The following DMD variants were observed in gnomAD, a reference collection of about 807,000 sequenced individuals.
DMD encodes dystrophin.
Under a neutral mutation model 330.1 loss-of-function variants are expected in DMD, and 63 were observed. The ratio of observed to expected loss-of-function variants is 0.19; its 90% CI spans 0.16 to 0.24. DMD has a LOEUF of 0.24. Ranked by LOEUF, DMD falls within the 10% of genes least tolerant of loss-of-function variation. The pLI is 1.00. For missense variants in DMD, 3,344 were observed against 2,684.1 expected, an observed-to-expected ratio of 1.25 and a Z score of -5.43; for synonymous variants, 1,223 against 959.8, an observed-to-expected ratio of 1.27 and a Z score of -5.07.
intron 1 of DMD, among the ~76,000 whole-genome samples, chrX:33,204,695 C>A (rs2051466966): frequency 9.0e-6 from 1 of 111,494 alleles, no homozygotes. Flanking sequence ...CAGTACCTGG[C>A]ACAAAATGGG....
chrX:32,799,594 ATTT>A (rs59086238), intron 7 of DMD, among the ~76,000 whole-genome samples: 3 of 94,834 alleles, frequency 3.2e-5, no homozygotes, highest in Non-Finnish European at 2.1e-5. Context: ...TATAGGGAGG[ATTT>A]TTTTTTTTTT....
chrX:31,420,744 A>G (rs1240592083), intron 60 of DMD, among the ~76,000 whole-genome samples: 1 of 112,493 alleles, frequency 8.9e-6, no homozygotes, highest in African/African-American at 3.2e-5. Context: ...GAATGTGTTC[A>G]TAACATGTAA....
chrX:32,468,448 GA>G lies in DMD; in HGVS notation c.3162+49del, dbSNP rs763520803. The G allele has an allele frequency of 1.8e-5, 19 of 1,071,516 alleles. No homozygotes were observed. The Admixed American group carries it at 3.9e-4, about 22-fold the overall frequency. 88.3% of individuals were successfully genotyped at this position (1,071,516 alleles called of 1,213,427 possible). A position where few individuals can be genotyped will look rare whatever the true frequency, so the allele number is the denominator to read the frequency against. ...TTACAGTTTACAGTGTATCGTTAGGGAAAAAACAAGTAAATAAAAATGAGGG... is the reference window on the plus strand; with the variant it reads ...TTACAGTTTACAGTGTATCGTTAGGGAAAAACAAGTAAATAAAAATGAGGG... On this transcript the variant is annotated intron_variant, in intron 23 of 78. Transcript: ENST00000357033.
At chrX:33,277,434 T>C (rs1182360257) in intron 1 of DMD, among the ~76,000 whole-genome samples, 1 of 111,201 alleles carries the variant, frequency 9.0e-6, no homozygotes, top group Admixed American at 9.6e-5. Context: ...GAATTTTACC[T>C]CAATTTAAAA....
chrX:31,463,057 T>C (rs1052733164), intron 59 of DMD, among the ~76,000 whole-genome samples: 19 of 111,941 alleles, frequency 1.7e-4, no homozygotes, highest in African/African-American at 6.2e-4. Flanking sequence ...TTATGGAAAA[T>C]ACCATAAAAT....
chrX:31,450,167 G>A (rs1340442172), intron 59 of DMD, among the ~76,000 whole-genome samples: 1 of 111,616 alleles, frequency 9.0e-6, no homozygotes, highest in African/African-American at 3.3e-5. Context: ...TTCATGCTGA[G>A]CTAGTCATGA....
chrX:31,343,734 T>C (rs1428621498), intron 61 of DMD, among the ~76,000 whole-genome samples: 1 of 109,713 alleles, frequency 9.1e-6, no homozygotes, highest in Non-Finnish European at 1.9e-5. Context: ...AGTTCCTCCT[T>C]ATTTTTCTTT....
chrX:31,177,178 A>T (rs940216602), intron 71 of DMD, among the ~76,000 whole-genome samples: 4 of 111,426 alleles, frequency 3.6e-5, no homozygotes, highest in African/African-American at 1.3e-4. Flanking sequence ...CACAGGCCCC[A>T]AAAAAGAGTT....
intron 9 of DMD, among the ~76,000 whole-genome samples, chrX:32,668,882 AT>A (rs2061472995): frequency 1.8e-5 from 2 of 111,165 alleles, no homozygotes; most frequent in African/African-American, 3.3e-5. Flanking sequence ...TACTAATGGG[AT>A]TAAAACTTCT....
rs184441486 is a variant in DMD, at chrX:32,160,228, G to A, written c.6438+56688C>T. Among the ~76,000 whole-genome samples the A allele has an allele frequency of 7.2e-3, 693 of 95,661 alleles. 3 individuals carry two copies. Among genetic ancestry groups the A allele is most frequent in the Non-Finnish European group, 0.011 (512 of 46,955 alleles). The allele number at this position is 95,661 out of a possible 115,157, so 83.1% of individuals were successfully genotyped here. ...ACTTTGGTTTTTTTTTTTTTTGTTT[G>A]CGTGTTTGTTTTTTGCTTTTTTGAA... is the stretch of plus-strand genomic sequence containing the variant. On this transcript the variant is annotated intron_variant, in intron 44 of 78. Coordinates refer to ENST00000357033, the MANE Select transcript of DMD (RefSeq NM_004006.3).
At chrX:33,271,084 A>G (rs1161405983) in intron 1 of DMD, among the ~76,000 whole-genome samples, 2 of 111,788 alleles carry the variant, frequency 1.8e-5, no homozygotes, top group Non-Finnish European at 3.8e-5. Context: ...AGCAATTACT[A>G]TCAATGAACA....
intron 76 of DMD, among the ~76,000 whole-genome samples, chrX:31,137,480 A>G (rs2035397490): frequency 8.9e-6 from 1 of 112,016 alleles, no homozygotes; most frequent in South Asian, 3.7e-4. Context: ...ATACCATTGT[A>G]ATATTTGATA....
At chrX:32,712,480 A>G (rs1293043408) in intron 7 of DMD, among the ~76,000 whole-genome samples, 2 of 111,890 alleles carry the variant, frequency 1.8e-5, no homozygotes, top group African/African-American at 6.5e-5. Context: ...TTGTCTGATT[A>G]AAATATTACA....
At chrX:32,231,633 T>TTTTCTCTCTTACTACTA (rs1392221262) in intron 43 of DMD, among the ~76,000 whole-genome samples, 1 of 112,012 alleles carries the variant, frequency 8.9e-6, no homozygotes, top group African/African-American at 3.2e-5. Context: ...GGAAATTCTA[T>TTTTCTCTCTTACTACTA]TTTCTCTCTT....
intron 62 of DMD, among the ~76,000 whole-genome samples, chrX:31,307,584 A>T (rs1207371057): frequency 9.5e-6 from 1 of 105,791 alleles, no homozygotes; most frequent in Non-Finnish European, 2.0e-5. Context: ...TCATGAGATG[A>T]TGTTTCTCCC....
chrX:32,617,274 G>A (rs2057656618), intron 11 of DMD, among the ~76,000 whole-genome samples: 1 of 111,390 alleles, frequency 9.0e-6, no homozygotes, highest in South Asian at 3.7e-4. Context: ...ATGGTTCTTT[G>A]GAAGGATGTT....
chrX:32,849,617 T>C (rs1260458232), intron 3 of DMD, 111 bp downstream of exon 3: 2 of 581,284 alleles, frequency 3.4e-6, no homozygotes, highest in Non-Finnish European at 5.8e-6. Context: ...GGTATTGCTG[T>C]TTCAATCAGT....
chrX:32,403,422 G>C lies in DMD; in HGVS notation c.4233+8330C>G, dbSNP rs763979015. Among the ~76,000 whole-genome samples the C allele has an allele frequency of 9.9e-5, 11 of 111,547 alleles. No individual in the cohort carries two copies. In the South Asian group the frequency reaches 4.1e-3, roughly 42 times the overall value. On this transcript the variant is annotated intron_variant, in intron 30 of 78. Coordinates refer to ENST00000357033, the MANE Select transcript of DMD (RefSeq NM_004006.3). ...TCCTTATATGTAGAATTTGTAGATA[G>C]ATTTTTACAAAAGCATACTATAGTT...
chrX:33,184,318 G>A (rs1379327381), intron 1 of DMD, among the ~76,000 whole-genome samples: 1 of 111,902 alleles, frequency 8.9e-6, no homozygotes, highest in Non-Finnish European at 1.9e-5. Flanking sequence ...TATCAAAACA[G>A]TAATAAAATA....
Sources: gnomAD v4.1 joint callset for allele counts (sites outside exome capture counted in the v4.1 genomes callset) on GRCh38, gnomAD v4.1.1 for gene constraint, MANE v1.5 for transcripts, NCBI Gene and HGNC (gene_info 2026-07-23, HGNC 2026-07-21) for gene names.